The following CYRIB variants were observed in gnomAD, a reference collection of about 807,000 sequenced individuals.
CYRIB encodes the protein CYFIP-related Rac1 interactor B.
Under a neutral mutation model 44.2 loss-of-function variants are expected in CYRIB, and 8 were observed. The ratio of observed to expected loss-of-function variants is 0.18; its 90% confidence interval spans 0.11 to 0.33. CYRIB has a LOEUF of 0.33. Ranked by LOEUF, CYRIB falls within the 10% of genes least tolerant of loss-of-function variation. CYRIB has a pLI of 1.00. For missense variants in CYRIB, 185 were observed against 382.8 expected (o/e 0.48, Z 4.31); for synonymous variants, 131 against 127.2 (o/e 1.03, Z -0.20).
At chr8:129,897,352 C>T (rs758903792) in intron 2 of CYRIB, among the ~76,000 whole-genome samples, 2 of 152,182 alleles carry the variant, frequency 1.3e-5, no homozygotes, top group African/African-American at 2.4e-5. Context: ...ATTCTACCCT[C>T]GAAAACCATA....
intron 2 of CYRIB, among the ~76,000 whole-genome samples, chr8:129,959,471 G>A (rs764523548): frequency 3.6e-4 from 55 of 152,068 alleles, no homozygotes; most frequent in Non-Finnish European, 2.8e-4. Context: ...CTCAGGAACC[G>A]TACTAGAGAA....
intron 1 of CYRIB, among the ~76,000 whole-genome samples, chr8:129,974,346 C>T (rs1170144242): frequency 6.6e-6 from 1 of 152,128 alleles, no homozygotes; most frequent in African/African-American, 2.4e-5. Flanking sequence ...TCACCCCTAC[C>T]AGAAACGTTG....
At chr8:129,851,399 G>C in intron 8 of CYRIB, 1 of 155,422 alleles carries the variant, frequency 6.4e-6, no homozygotes, top group Admixed American at 6.5e-5. Flanking sequence ...AGTCTGATGT[G>C]GCTGGTGGCA....
At chr8:129,881,567 A>G (rs1023323800) in intron 2 of CYRIB, among the ~76,000 whole-genome samples, 7 of 152,218 alleles carry the variant, frequency 4.6e-5, no homozygotes, top group Non-Finnish European at 8.8e-5. Flanking sequence ...ACAAATAGCT[A>G]TTTGCTTTAG....
chr8:129,886,193 T>C (rs1191637587), intron 2 of CYRIB, among the ~76,000 whole-genome samples: 1 of 152,224 alleles, frequency 6.6e-6, no homozygotes, highest in Admixed American at 6.5e-5. Context: ...TCATTCCAGT[T>C]TGGCTTTTAT....
At chr8:129,982,283 C>G (rs2096267818) in intron 1 of CYRIB, among the ~76,000 whole-genome samples, 1 of 152,200 alleles carries the variant, frequency 6.6e-6, no homozygotes, top group African/African-American at 2.4e-5. Flanking sequence ...GAACCTTCTG[C>G]CTCGATGAAG....
intron 1 of CYRIB, among the ~76,000 whole-genome samples, chr8:129,914,210 A>G (rs1447585535): frequency 6.6e-6 from 1 of 152,238 alleles, no homozygotes; most frequent in African/African-American, 2.4e-5. Context: ...TGAAGCAAAG[A>G]AACAAAAGCG....
chr8:129,914,049 C>A (rs1337430631), intron 1 of CYRIB, among the ~76,000 whole-genome samples: 1 of 152,176 alleles, frequency 6.6e-6, no homozygotes, highest in Non-Finnish European at 1.5e-5. Context: ...AAGTGAGTCA[C>A]TAGTCACTGC....
chr8:129,854,602 A>G (rs2045173627), intron 6 of CYRIB, among the ~76,000 whole-genome samples: 1 of 152,344 alleles, frequency 6.6e-6, no homozygotes. Flanking sequence ...AAGCTTGTTT[A>G]TCAAATAAAC....
At chr8:129,989,644 T>C (rs2096574229) in intron 1 of CYRIB, among the ~76,000 whole-genome samples, 3 of 151,670 alleles carry the variant, frequency 2.0e-5, no homozygotes, top group East Asian at 1.9e-4. Flanking sequence ...CCCTTTCTTT[T>C]TTTTTTTTTT....
chr8:129,873,230 T>C (rs1272450550), intron 3 of CYRIB, among the ~76,000 whole-genome samples: 1 of 151,938 alleles, frequency 6.6e-6, no homozygotes, highest in Non-Finnish European at 1.5e-5. Context: ...AAAATAATTA[T>C]ACAAGAGGAG....
At chr8:129,963,209 C>T (rs921343471) in intron 2 of CYRIB, among the ~76,000 whole-genome samples, 1 of 152,202 alleles carries the variant, frequency 6.6e-6, no homozygotes, top group South Asian at 2.1e-4. Context: ...TAAGCCTTGG[C>T]AACACTTTAA....
At chr8:129,906,772 C>T (rs1358043125) in intron 1 of CYRIB, among the ~76,000 whole-genome samples, 1 of 152,120 alleles carries the variant, frequency 6.6e-6, no homozygotes, top group Non-Finnish European at 1.5e-5. Flanking sequence ...AACAAACAAC[C>T]CCATCAACAA....
At chr8:129,920,287 C>G (rs1434096755) in intron 1 of CYRIB, among the ~76,000 whole-genome samples, 2 of 152,034 alleles carry the variant, frequency 1.3e-5, no homozygotes, top group Non-Finnish European at 2.9e-5. Context: ...CCCAAGTGCT[C>G]ATTAGTAGCC....
At chr8:129,988,874 C>G (rs568099804) in intron 1 of CYRIB, among the ~76,000 whole-genome samples, 1 of 151,750 alleles carries the variant, frequency 6.6e-6, no homozygotes, top group Non-Finnish European at 1.5e-5. Flanking sequence ...CTTCTCTCAA[C>G]GCTGCACATG....
At chr8:129,988,849 A>T (rs1322755838) in intron 1 of CYRIB, among the ~76,000 whole-genome samples, 2 of 152,114 alleles carry the variant, frequency 1.3e-5, no homozygotes, top group African/African-American at 4.8e-5. Context: ...CTAAGGAAAA[A>T]ATCTACAAAG....
chr8:129,977,737 T>C lies in CYRIB; in HGVS notation c.-295-6742A>G, dbSNP rs1433436264. On this transcript the variant is annotated intron_variant, in intron 1 of 14. Transcript: ENST00000401979. ...TTAGTAGAGATGGGGTTTCACCGTG[T>C]TAGCCAGGATGGTCTCGATCTCCTG... Among the ~76,000 whole-genome samples, 4 of 152,250 alleles carry C rather than the reference T, an allele frequency of 2.6e-5. No individual in the cohort carries two copies. The East Asian group carries it at 7.7e-4, about 29-fold the overall frequency.
rs544985853 is a variant in CYRIB at position 129,888,484 on chromosome 8, C to T, written c.-10-9013G>A. 2.6e-5 allele frequency among the ~76,000 whole-genome samples: 4 copies of T among 152,328 alleles called. No homozygotes were observed. In the South Asian group the frequency reaches 8.3e-4, roughly 32 times the overall value. Reference sequence around the variant, plus strand: ...CTCTGGCCTCATCTTTCTTTACTCTCCACTGCACACATGCGCATCTAACCA... The same window carrying T: ...CTCTGGCCTCATCTTTCTTTACTCTTCACTGCACACATGCGCATCTAACCA... On this transcript the variant is annotated intron_variant, in intron 2 of 11. Transcript: ENST00000519824.
chr8:129,999,101 G>A (rs143191709), intron 1 of CYRIB, among the ~76,000 whole-genome samples: 4 of 151,746 alleles, frequency 2.6e-5, no homozygotes, highest in African/African-American at 9.7e-5. Context: ...CCTAACAGAG[G>A]AATTGTCCCA....
Sources: allele counts gnomAD v4.1 joint callset (sites outside exome capture counted in the v4.1 genomes callset), GRCh38; gene constraint gnomAD v4.1.1; transcripts MANE v1.5; gene names NCBI Gene and HGNC (gene_info 2026-07-23, HGNC 2026-07-21).